UMAD1: variants seen among roughly 807,000 people sequenced by gnomAD.
UMAD1 encodes UBAP1-MVB12-associated (UMA) domain containing 1.
UMAD1 carries 8 observed loss-of-function variants against 6.1 expected under a neutral mutation model. The observed-to-expected ratio is 1.30, with a 90% CI of 0.76 to 2.35. UMAD1 has a LOEUF of 2.35. UMAD1 is among the 30% of genes most tolerant of loss of function. The pLI is 0.00. For missense variants in UMAD1, 130 were observed against 78.4 expected (o/e 1.66, Z -2.49); for synonymous variants, 56 against 31.4 (o/e 1.78, Z -2.61).
At chr7:7,680,188 G>A (rs1399647600) in intron 2 of UMAD1, among the ~76,000 whole-genome samples, 5 of 151,994 alleles carry the variant, frequency 3.3e-5, no homozygotes, top group African/African-American at 7.2e-5. Context: ...TTAGATTTAC[G>A]TATTTTATCC....
chr7:7,677,604 T>C (rs981876362), intron 2 of UMAD1, among the ~76,000 whole-genome samples: 1 of 151,968 alleles, frequency 6.6e-6, no homozygotes, highest in African/African-American at 2.4e-5. Flanking sequence ...TTTTTATGGC[T>C]AAATAGTATT....
At chr7:7,791,103 G>T (rs922306114) in intron 2 of UMAD1, among the ~76,000 whole-genome samples, 1 of 152,166 alleles carries the variant, frequency 6.6e-6, no homozygotes, top group Non-Finnish European at 1.5e-5. Context: ...GGCCAGGCTG[G>T]TCTCGAACTC....
chr7:7,736,751 A>G (rs1583786373), intron 2 of UMAD1: 1 of 152,258 alleles, frequency 6.6e-6, no homozygotes, highest in African/African-American at 2.4e-5. Flanking sequence ...AAGAAGCAAC[A>G]GACTCATTGG....
At chr7:7,782,629 A>G (rs1782369169) in intron 2 of UMAD1, among the ~76,000 whole-genome samples, 1 of 152,110 alleles carries the variant, frequency 6.6e-6, no homozygotes, top group Non-Finnish European at 1.5e-5. Context: ...CTTGAACCAC[A>G]AATGTAATCA....
At chr7:7,717,782 G>A (rs917171413) in intron 2 of UMAD1, among the ~76,000 whole-genome samples, 7 of 152,212 alleles carry the variant, frequency 4.6e-5, no homozygotes, top group Non-Finnish European at 5.9e-5. Context: ...ATGAGAGCAT[G>A]AGTTTGAAAT....
chr7:7,827,143 A>G (rs76756756), intron 3 of UMAD1, among the ~76,000 whole-genome samples: 97,674 of 133,880 alleles, frequency 0.73, 35,552 homozygotes, highest in African/African-American at 0.76. Context: ...ATATATATAT[A>G]TATATGTGTG....
chr7:7,742,092 T>TA, intron 2 of UMAD1: 1 of 581,364 alleles, frequency 1.7e-6, no homozygotes, highest in Non-Finnish European at 3.4e-6. Flanking sequence ...CGCTTGTTGA[T>TA]ATGATGAAAG....
chr7:7,795,111 T>C (rs1782648442), intron 2 of UMAD1, among the ~76,000 whole-genome samples: 1 of 152,240 alleles, frequency 6.6e-6, no homozygotes. Flanking sequence ...CTTACATGTA[T>C]TGACTTATGT....
chr7:7,804,983 GAAAACAAAAC>G (rs59013853), intron 3 of UMAD1, among the ~76,000 whole-genome samples: 86,289 of 151,476 alleles, frequency 0.57, 24,730 homozygotes, highest in Middle Eastern at 0.62. Flanking sequence ...TCCTTCTCAA[GAAAACAAAAC>G]AAAACAAAAC....
chr7:7,790,050 C>T (rs781031366), intron 2 of UMAD1, among the ~76,000 whole-genome samples: 4 of 152,102 alleles, frequency 2.6e-5, no homozygotes, highest in South Asian at 2.1e-4. Flanking sequence ...GGGAAGGAGG[C>T]GATAGTGACT....
At chr7:7,741,602 T>G (rs1583789965) in intron 2 of UMAD1, among the ~76,000 whole-genome samples, 1 of 147,590 alleles carries the variant, frequency 6.8e-6, no homozygotes, top group African/African-American at 2.5e-5. Context: ...ATAATAATAA[T>G]AATAATAATA....
chr7:7,862,196 T>C (rs547078299), intron 3 of UMAD1, among the ~76,000 whole-genome samples: 2 of 152,304 alleles, frequency 1.3e-5, no homozygotes, highest in African/African-American at 4.8e-5. Context: ...ATAAGTGATG[T>C]CAATTTATTT....
chr7:7,643,702 A>C (rs1210877259), intron 1 of UMAD1, among the ~76,000 whole-genome samples: 6 of 137,250 alleles, frequency 4.4e-5, no homozygotes, highest in Admixed American at 2.3e-4. Context: ...ACAGAGCGAG[A>C]CTCCCTCTCA....
At chr7:7,845,730 T>G (rs1482835381) in intron 3 of UMAD1, among the ~76,000 whole-genome samples, 1 of 152,118 alleles carries the variant, frequency 6.6e-6, no homozygotes, top group Non-Finnish European at 1.5e-5. Context: ...ACAGAACCGT[T>G]ATGGCAGCAG....
intron 2 of UMAD1, among the ~76,000 whole-genome samples, chr7:7,757,749 G>A (rs940707308): frequency 6.6e-6 from 1 of 152,174 alleles, no homozygotes; most frequent in Admixed American, 6.5e-5. Context: ...CACGTTTAGG[G>A]ATGTTGTGTG....
intron 2 of UMAD1, among the ~76,000 whole-genome samples, chr7:7,778,261 TGTGTGTGTGTG>T (rs1563198351): frequency 3.6e-5 from 5 of 140,612 alleles, no homozygotes; most frequent in Non-Finnish European, 7.7e-5. Context: ...TGTGTGTGTG[TGTGTGTGTGTG>T]TGTGAGAGAG....
intron 3 of UMAD1, among the ~76,000 whole-genome samples, chr7:7,873,033 C>G (rs139886912): frequency 5.3e-5 from 8 of 152,318 alleles, no homozygotes; most frequent in African/African-American, 1.7e-4. Context: ...TATTTATTCA[C>G]TTACTTTAAC....
At chr7:7,823,680 T>C (rs1008952996) in intron 3 of UMAD1, among the ~76,000 whole-genome samples, 3 of 152,170 alleles carry the variant, frequency 2.0e-5, no homozygotes, top group African/African-American at 7.2e-5. Context: ...TTGAAAAACA[T>C]ATTAGCGTAT....
chr7:7,759,606 A>G (rs1467966113), intron 2 of UMAD1, among the ~76,000 whole-genome samples: 1 of 152,246 alleles, frequency 6.6e-6, no homozygotes, highest in Non-Finnish European at 1.5e-5. Context: ...TCATGAAGAA[A>G]AAAGTACCAG....
Sources: allele counts gnomAD v4.1 joint callset (sites outside exome capture counted in the v4.1 genomes callset), GRCh38; gene constraint gnomAD v4.1.1; transcripts MANE v1.5; gene names NCBI Gene and HGNC (gene_info 2026-07-23, HGNC 2026-07-21).